Variants in NUBP2 observed in about 807,000 individuals in gnomAD.
NUBP2 encodes the protein NUBP iron-sulfur cluster assembly factor 2, cytosolic.
A neutral mutation model predicts 24.9 loss-of-function variants in NUBP2; 23 were observed. That is an observed-to-expected ratio of 0.92 (90% confidence interval 0.66 to 1.31). The LOEUF (loss-of-function observed/expected upper bound fraction) is 1.31. Among genes scored for constraint, NUBP2 ranks in the 50% most tolerant of loss-of-function variants. The pLI is 0.00. For missense variants in NUBP2, 403 were observed against 386.5 expected (o/e 1.04, Z -0.36); for synonymous variants, 186 against 170.9 (o/e 1.09, Z -0.69).
chr16:1,783,238 C>T (rs1449118740), intron 1 of NUBP2: 5 of 1,163,184 alleles, frequency 4.3e-6, no homozygotes, highest in East Asian at 8.0e-5. Context: ...GATGTGGAAG[C>T]TCCGTGATCT....
Position 1,788,212 on chromosome 16 carries a change from G to A in NUBP2, c.670+5G>A, listed in dbSNP as rs1159853662. The A allele has an allele frequency of 6.8e-7, 1 of 1,479,894 alleles. No individual in the cohort carries two copies. Among genetic ancestry groups the A allele is most frequent in the East Asian group, 2.5e-5 (1 of 40,296 alleles). The allele number at this position is 1,479,894 out of a possible 1,614,324, so 91.7% of individuals were successfully genotyped here. A position where few individuals can be genotyped will look rare whatever the true frequency, so the allele number is the denominator to read the frequency against. The stretch of plus-strand genomic sequence containing the variant: ...TCGCCGGGGTGCCCTTCTTAGGTGA[G>A]TGTCCCAAGCTGGTGCTGGGGTCGC... On this transcript the variant is annotated splice_donor_5th_base_variant and intron_variant, in intron 6 of 6. Transcript: ENST00000262302.
At chr16:1,783,289 T>A in intron 1 of NUBP2, 1 of 1,144,080 alleles carries the variant, frequency 8.7e-7, no homozygotes, top group Non-Finnish European at 1.1e-6. Flanking sequence ...CTTTTAAAGT[T>A]AACTTTGTTG....
Position 1,788,720 on chromosome 16 carries a change from G to T in NUBP2, c.*6G>T. 6.2e-7 allele frequency: 1 copy of T among 1,606,102 alleles called. No homozygotes were observed. On this transcript the variant is annotated 3_prime_UTR_variant, in exon 7 of 7. Coordinates refer to ENST00000262302, the MANE Select transcript of NUBP2 (RefSeq NM_012225.4). ...CGCCCGCGTGCCTCCCCTGACTAAG[G>T]CCACCTTGCAGCCGCTTTCCAGGGC... is the stretch of plus-strand genomic sequence containing the variant.
intron 6 of NUBP2, 120 bp downstream of exon 6, chr16:1,788,327 T>C: frequency 1.7e-6 from 2 of 1,143,790 alleles, no homozygotes; most frequent in Non-Finnish European, 2.4e-6. Context: ...GGTTTCCTCC[T>C]CTCTTCTCGG....
rs748537957 is a variant in NUBP2, at chr16:1,786,927, C to T, written c.306C>T (p.Ala102=). The T allele has an allele frequency of 7.8e-6, 12 of 1,535,168 alleles. No homozygotes were observed. The African/African-American group carries it at 9.6e-5, about 12-fold the overall frequency. Residue 102 remains alanine, a synonymous_variant, in exon 3 of 7, where the codon GCC becomes GCT. Coordinates refer to ENST00000262302, the MANE Select transcript of NUBP2 (RefSeq NM_012225.4). ...TCCTGCTGGAGAAGCCGGACGAGGC[C>T]GTGGTGTGGAGAGGCCCCAAGAAAA... The part of the protein sequence containing the change: ...VGFLLEKPDE[A]VVWRGPKKNA...
intron 1 of NUBP2, 139 bp downstream of exon 1, chr16:1,783,175 G>A (rs766352035): frequency 1.7e-6 from 2 of 1,182,716 alleles, no homozygotes; most frequent in Admixed American, 4.5e-5. Context: ...CGGGCCAGAG[G>A]CCGCGGCGCG....
intron 3 of NUBP2, chr16:1,787,167 G>A: frequency 3.9e-6 from 2 of 514,602 alleles, no homozygotes; most frequent in South Asian, 3.4e-5. Context: ...GTCAGAGGGA[G>A]TGGGGTCTGC....
chr16:1,788,095 G>A (rs574046707), intron 5 of NUBP2, 43 bp from the exon 6 acceptor site: 22 of 1,557,144 alleles, frequency 1.4e-5, no homozygotes, highest in South Asian at 4.8e-5. Flanking sequence ...GCACCTGGCC[G>A]GTGGGGGCTT....
rs990293041 is a variant in NUBP2, at chr16:1,788,995, C to T, written c.*281C>T. 5 of 438,846 alleles carry T rather than the reference C, an allele frequency of 1.1e-5. No individual in the cohort carries two copies. The highest frequency in any genetic ancestry group is 2.0e-5 in the Non-Finnish European group (5 of 245,062). 27.2% of individuals were successfully genotyped at this position (438,846 alleles called of 1,614,324 possible). ...GTTGCCTACCTGTGCCCCTGGCAGC[C>T]GCGTGTCCACACAGTTAGCGGAGCG... On this transcript the variant is annotated 3_prime_UTR_variant, in exon 7 of 7. Coordinates refer to ENST00000262302, the MANE Select transcript of NUBP2 (RefSeq NM_012225.4).
rs765660981 is a variant in NUBP2 at position 1,788,189 on chromosome 16, G to A, written c.652G>A (p.Ala218Thr). The A allele has an allele frequency of 5.3e-6, 8 of 1,505,150 alleles. No individual in the cohort carries two copies. In the South Asian group the frequency reaches 6.6e-5, roughly 12 times the overall value. 93.2% of individuals were successfully genotyped at this position (1,505,150 alleles called of 1,614,324 possible). The change falls in exon 6 of 7, where the codon GCC becomes ACC. Residue 218 changes from alanine (A) to threonine (T), a missense_variant. Physicochemically the swap from Ala to Thr is moderately conservative, Grantham distance 58 (BLOSUM62 0). Coordinates refer to ENST00000262302, the MANE Select transcript of NUBP2 (RefSeq NM_012225.4). ...RGGGEELAQL[A>T]GVPFLGSVPL... Reference sequence around the variant, plus strand: ...CGGCGGAGAGGAGCTGGCCCAGCTCGCCGGGGTGCCCTTCTTAGGTGAGTG... The same window carrying A: ...CGGCGGAGAGGAGCTGGCCCAGCTCACCGGGGTGCCCTTCTTAGGTGAGTG...
rs1297207451 is a variant in NUBP2, at chr16:1,783,292, CTT to C, written c.16+258_16+259del. On this transcript the variant is annotated intron_variant, in intron 1 of 6. Coordinates refer to ENST00000262302, the MANE Select transcript of NUBP2 (RefSeq NM_012225.4). The stretch of plus-strand genomic sequence containing the variant: ...GAGTTGGGGGAGCTTTTAAAGTTAA[CTT>C]TGTTGAGCACCGCGTTGTAGGCGGG... The C allele has an allele frequency of 2.0e-5, 23 of 1,142,030 alleles. No individual in the cohort carries two copies. The Admixed American group carries it at 9.6e-4, about 48-fold the overall frequency. 70.7% of individuals were successfully genotyped at this position (1,142,030 alleles called of 1,614,324 possible). A position where few individuals can be genotyped will look rare whatever the true frequency, so the allele number is the denominator to read the frequency against.
At chr16:1,788,307 G>A in intron 6 of NUBP2, 100 bp downstream of exon 6, 3 of 1,209,764 alleles carry the variant, frequency 2.5e-6, no homozygotes, top group Non-Finnish European at 3.3e-6. Context: ...GGAGAGGAGG[G>A]GACGGGAGCG....
At position 1,786,775 on chromosome 16, in the gene NUBP2, G is replaced by C; in HGVS notation, c.154G>C (p.Asp52His). ...AGKKVGILDVDLCGPSIPRML... is the reference protein window; with the variant it reads ...AGKKVGILDVHLCGPSIPRML... ...CTTGCAGGTGGGAATCCTGGATGTG[G>C]ACCTGTGTGGCCCCAGTATCCCCCG... Residue 52 changes from aspartate (D) to histidine (H), a missense_variant, in exon 3 of 7, where the codon GAC (aspartate) becomes CAC (histidine). Physicochemically the swap from Asp to His is moderately conservative, Grantham distance 81. Transcript: ENST00000262302. 6.2e-7 allele frequency: 1 copy of C among 1,611,380 alleles called. No homozygotes were observed. The highest frequency in any genetic ancestry group is 8.5e-7 in the Non-Finnish European group (1 of 1,179,024).
intron 1 of NUBP2, chr16:1,785,048 T>C (rs937897302): frequency 2.0e-6 from 2 of 979,512 alleles, no homozygotes; most frequent in African/African-American, 3.5e-5. Context: ...TGAGACCCCC[T>C]CTCAAAATAA....
rs896794338 is a variant in NUBP2 at position 1,785,121 on chromosome 16, C to T, written c.17-1416C>T. ...CGTGGAATGATCTGGATTTGCTAAC[C>T]CATAAAGCTGACCGGGACTCATTGT... On this transcript the variant is annotated intron_variant, in intron 1 of 6. Transcript: ENST00000262302. 9 of 988,252 alleles carry T rather than the reference C, an allele frequency of 9.1e-6. No individual in the cohort carries two copies. In the East Asian group the frequency reaches 9.0e-4, roughly 99 times the overall value. The allele number at this position is 988,252 out of a possible 1,614,324, so 61.2% of individuals were successfully genotyped here. A position where few individuals can be genotyped will look rare whatever the true frequency, so the allele number is the denominator to read the frequency against.
Position 1,788,979 on chromosome 16 carries a change from CT to C in NUBP2, c.*266del. 1 of 469,752 alleles carries C rather than the reference CT, an allele frequency of 2.1e-6. No individual in the cohort carries two copies. The highest frequency in any genetic ancestry group is 3.4e-5 in the South Asian group (1 of 29,816). The allele number at this position is 469,752 out of a possible 1,614,324, so 29.1% of individuals were successfully genotyped here. A position where few individuals can be genotyped will look rare whatever the true frequency, so the allele number is the denominator to read the frequency against. Reference sequence around the variant, plus strand: ...CTCTCTTCCCATCCATGTTGCCTACCTGTGCCCCTGGCAGCCGCGTGTCCAC... The same window carrying C: ...CTCTCTTCCCATCCATGTTGCCTACCGTGCCCCTGGCAGCCGCGTGTCCAC... On this transcript the variant is annotated 3_prime_UTR_variant, in exon 7 of 7. Coordinates refer to ENST00000262302, the MANE Select transcript of NUBP2 (RefSeq NM_012225.4).
rs776619724 is a variant in NUBP2 at position 1,788,064 on chromosome 16, G to A, written c.600+13G>A. ...CCCACACTGCACGGTGAGTCCCGGGGGTTGCAGAGGGGGCGAGGCAGCACC... is the reference window on the plus strand; with the variant it reads ...CCCACACTGCACGGTGAGTCCCGGGAGTTGCAGAGGGGGCGAGGCAGCACC... On this transcript the variant is annotated intron_variant, in intron 5 of 6. Transcript: ENST00000262302. 8 of 1,575,590 alleles carry A rather than the reference G, an allele frequency of 5.1e-6. No individual in the cohort carries two copies. Among genetic ancestry groups the A allele is most frequent in the Non-Finnish European group, 6.9e-6 (8 of 1,164,018 alleles).
chr16:1,788,465 T>A, intron 6 of NUBP2, 104 bp from the exon 7 acceptor site: 1 of 1,415,166 alleles, frequency 7.1e-7, no homozygotes, highest in East Asian at 2.6e-5. Context: ...TGGCAGCGCC[T>A]CAATCCCCTC....
chr16:1,785,164 G>A (rs758844902), intron 1 of NUBP2: 815 of 996,920 alleles, frequency 8.2e-4, no homozygotes, highest in Non-Finnish European at 9.2e-4. Context: ...GAGCGCACTC[G>A]CCTTCCTCGG....
Sources: gnomAD v4.1 joint callset for allele counts on GRCh38, gnomAD v4.1.1 for gene constraint, MANE v1.5 for transcripts, NCBI Gene and HGNC (gene_info 2026-07-23, HGNC 2026-07-21) for gene names.